RIPOR2: variants seen among roughly 807,000 people sequenced by gnomAD.
RIPOR2 encodes rho family-interacting cell polarization regulator 2.
In RIPOR2, 39 loss-of-function variants were observed where a neutral mutation model predicts 114.5. The observed-to-expected ratio is 0.34, with a 90% CI of 0.26 to 0.44. RIPOR2 has a LOEUF of 0.44. Ranked by LOEUF, RIPOR2 falls within the 20% of genes least tolerant of loss-of-function variation. The probability of loss-of-function intolerance (pLI) is 1.00; values close to 1 mark genes in which losing one functional copy is unlikely to be tolerated. For synonymous variants in RIPOR2, 445 were observed against 484.4 expected, an observed-to-expected ratio of 0.92 and a Z score of 1.07; for missense variants, 1,007 against 1,255.1, an observed-to-expected ratio of 0.80 and a Z score of 2.99.
intron 1 of RIPOR2, among the ~76,000 whole-genome samples, chr6:25,002,013 G>GC (rs1775344427): frequency 6.6e-6 from 1 of 152,076 alleles, no homozygotes; most frequent in Non-Finnish European, 1.5e-5. Flanking sequence ...CAGCCTGTGG[G>GC]CCTTACTTTC....
intron 7 of RIPOR2, among the ~76,000 whole-genome samples, chr6:24,864,935 G>A (rs1180821053): frequency 6.6e-6 from 1 of 152,142 alleles, no homozygotes; most frequent in Non-Finnish European, 1.5e-5. Context: ...TCAGGGCAAT[G>A]TGGTTTACGC....
intron 1 of RIPOR2, among the ~76,000 whole-genome samples, chr6:25,013,206 A>T (rs1196802149): frequency 6.6e-6 from 1 of 152,076 alleles, no homozygotes; most frequent in Non-Finnish European, 1.5e-5. Flanking sequence ...ATAAGCATGG[A>T]TCTCCCCAAA....
intron 1 of RIPOR2, among the ~76,000 whole-genome samples, chr6:25,026,673 C>T (rs1776641149): frequency 6.6e-6 from 1 of 152,108 alleles, no homozygotes; most frequent in Admixed American, 6.6e-5. Flanking sequence ...GAATAAGAGT[C>T]CTGCAATTTC....
chr6:24,965,028 G>C (rs1773464371), intron 1 of RIPOR2, among the ~76,000 whole-genome samples: 1 of 151,840 alleles, frequency 6.6e-6, no homozygotes, highest in African/African-American at 2.4e-5. Flanking sequence ...ATATATTTTG[G>C]ATATTGTCTT....
chr6:24,945,615 G>C (rs1361525920), intron 1 of RIPOR2, among the ~76,000 whole-genome samples: 5 of 152,118 alleles, frequency 3.3e-5, no homozygotes, highest in Non-Finnish European at 7.4e-5. Context: ...AAGAAGAGGG[G>C]AATGAGTAGA....
intron 1 of RIPOR2, among the ~76,000 whole-genome samples, chr6:24,964,936 T>C (rs1285343813): frequency 3.3e-5 from 5 of 152,218 alleles, no homozygotes; most frequent in Non-Finnish European, 7.3e-5. Flanking sequence ...TGTATTTCTT[T>C]TTGGTGAAGT....
chr6:25,000,908 T>C (rs1775280568), intron 1 of RIPOR2, among the ~76,000 whole-genome samples: 1 of 152,228 alleles, frequency 6.6e-6, no homozygotes, highest in Admixed American at 6.5e-5. Context: ...AAGAACATAA[T>C]TCCTGTATAT....
intron 13 of RIPOR2, chr6:24,840,479 T>A (rs1459493709): frequency 7.4e-7 from 1 of 1,359,664 alleles, no homozygotes; most frequent in Non-Finnish European, 9.5e-7. Flanking sequence ...GGGCACAGAG[T>A]TGGAGAGAAG....
chr6:24,905,643 T>G (rs1385947088), intron 1 of RIPOR2, among the ~76,000 whole-genome samples: 2 of 152,188 alleles, frequency 1.3e-5, no homozygotes, highest in Non-Finnish European at 2.9e-5. Flanking sequence ...GGACTTCATA[T>G]GTAGCAAAAA....
chr6:24,966,618 T>G (rs1773540354), intron 1 of RIPOR2, among the ~76,000 whole-genome samples: 1 of 152,164 alleles, frequency 6.6e-6, no homozygotes, highest in South Asian at 2.1e-4. Flanking sequence ...TTCCAACAAT[T>G]ATGCATGATG....
intron 1 of RIPOR2, among the ~76,000 whole-genome samples, chr6:25,041,107 C>T (rs1777448272): frequency 6.6e-6 from 1 of 152,204 alleles, no homozygotes; most frequent in Admixed American, 6.5e-5. Context: ...ACAACAGAGA[C>T]AGGAAGAAAG....
chr6:24,832,120 T>C (rs964272264), intron 16 of RIPOR2, 136 bp downstream of exon 16: 5 of 857,950 alleles, frequency 5.8e-6, no homozygotes, highest in Admixed American at 6.4e-5. Context: ...CCAATTTGTT[T>C]GGAGACCTTT....
intron 1 of RIPOR2, among the ~76,000 whole-genome samples, chr6:25,034,053 G>A (rs1343167111): frequency 3.3e-5 from 5 of 151,174 alleles, no homozygotes; most frequent in Non-Finnish European, 7.4e-5. Flanking sequence ...TGAATGTATA[G>A]AGAATTGGTA....
intron 1 of RIPOR2, among the ~76,000 whole-genome samples, chr6:24,958,986 C>T (rs1205314313): frequency 1.6e-5 from 2 of 128,754 alleles, no homozygotes; most frequent in East Asian, 2.1e-4. Flanking sequence ...GGGTCTCACC[C>T]TGTCGCCCAG....
intron 1 of RIPOR2, among the ~76,000 whole-genome samples, chr6:25,021,252 G>A (rs1034296049): frequency 6.6e-6 from 1 of 152,174 alleles, no homozygotes; most frequent in African/African-American, 2.4e-5. Flanking sequence ...GCAGAAGAAA[G>A]GGAGAAGGAA....
In RIPOR2 at chr6:24,806,341, A is replaced by G. The variant is rs541878770; in HGVS notation, c.*32T>C. 9.2e-6 allele frequency: 13 copies of G among 1,419,552 alleles called. No homozygotes were observed. In the African/African-American group the frequency reaches 1.6e-4, roughly 17 times the overall value. The allele number at this position is 1,419,552 out of a possible 1,614,324, so 87.9% of individuals were successfully genotyped here. The stretch of plus-strand genomic sequence containing the variant: ...ACCATCCTGATGAAAAGGGCCAGAT[A>G]TTAAGACAGCTGTTAGGCAGTTAAC... On this transcript the variant is annotated 3_prime_UTR_variant, in exon 22 of 22. Coordinates refer to ENST00000643898, the MANE Select transcript of RIPOR2 (RefSeq NM_001286445.3).
At chr6:24,825,521 G>A (rs1363545696) in intron 18 of RIPOR2, 93 bp from the exon 19 acceptor site, 2 of 845,848 alleles carry the variant, frequency 2.4e-6, no homozygotes, top group African/African-American at 1.7e-5. Context: ...ACATAAGAAA[G>A]TATAGTATAG....
chr6:25,031,699 TTATATATATATA>T (rs58886088), intron 1 of RIPOR2, among the ~76,000 whole-genome samples: 6,594 of 34,998 alleles, frequency 0.19, 666 homozygotes, highest in Non-Finnish European at 0.26. Context: ...TAGGTGGTAG[TTATATATATATA>T]TATATATATA....
chr6:24,974,606 A>T (rs1443308161), intron 1 of RIPOR2, among the ~76,000 whole-genome samples: 1 of 152,232 alleles, frequency 6.6e-6, no homozygotes, highest in Non-Finnish European at 1.5e-5. Flanking sequence ...GGAGCTTCGC[A>T]GTTCCTCAAA....
Sources: allele counts gnomAD v4.1 joint callset (sites outside exome capture counted in the v4.1 genomes callset), GRCh38; gene constraint gnomAD v4.1.1; transcripts MANE v1.5; gene names NCBI Gene and HGNC (gene_info 2026-07-23, HGNC 2026-07-21).